The following ABHD15 variants were observed in gnomAD, a reference collection of about 807,000 sequenced individuals.
ABHD15 encodes abhydrolase domain containing 15, also known as protein ABHD15.
ABHD15 carries 34 observed loss-of-function variants against 34.4 expected under a neutral mutation model. The ratio of observed to expected loss-of-function variants is 0.99; its 90% CI spans 0.75 to 1.32. The LOEUF is 1.32. Among genes scored for constraint, ABHD15 ranks in the 40% most tolerant of loss-of-function variants. The pLI, the probability that ABHD15 is intolerant of heterozygous loss-of-function variation, is 0.00. For synonymous variants in ABHD15, 314 were observed against 299.2 expected, an observed-to-expected ratio of 1.05 and a Z score of -0.51; for missense variants, 644 against 650.4, an observed-to-expected ratio of 0.99 and a Z score of 0.11.
At position 29,562,730 on chromosome 17, in the gene ABHD15, C is replaced by T. The variant is rs150816352; in HGVS notation, c.1238G>A (p.Arg413Gln). The change falls in exon 2 of 2, where the codon CGG becomes CAG. Residue 413 changes from arginine (R) to glutamine (Q), a missense_variant. Coordinates refer to ENST00000307201, the MANE Select transcript of ABHD15 (RefSeq NM_198147.3). ...WSHEVILESFRALTEFFRTEE... is the reference protein window; with the variant it reads ...WSHEVILESFQALTEFFRTEE... ...CGTTCGGAAGAACTCAGTCAAGGCCCGGAAGGACTCCAAGATGACCTCATG... is the reference window on the plus strand; with the variant it reads ...CGTTCGGAAGAACTCAGTCAAGGCCTGGAAGGACTCCAAGATGACCTCATG... 289 of 1,614,030 alleles carry T rather than the reference C, an allele frequency of 1.8e-4. No homozygotes were observed. The highest frequency in any genetic ancestry group is 4.2e-4 in the Admixed American group (25 of 60,002).
Position 29,561,085 on chromosome 17 carries a change from C to T in ABHD15, c.*1476G>A, listed in dbSNP as rs1015050296. ...GATCTAGAAGAACAAGATCTAGAAT[C>T]TGGGGCAAGATTATCCAAACCTGAA... On this transcript the variant is annotated 3_prime_UTR_variant, in exon 2 of 2. Transcript: ENST00000307201. 1 of 152,150 alleles carries T rather than the reference C, an allele frequency of 6.6e-6. No individual in the cohort carries two copies. Among genetic ancestry groups the T allele is most frequent in the African/African-American group, 2.4e-5 (1 of 41,424 alleles). 9.4% of individuals were successfully genotyped at this position (152,150 alleles called of 1,614,324 possible).
At position 29,566,162 on chromosome 17, in the gene ABHD15, G is replaced by C. The variant is rs1258580576; in HGVS notation, c.805C>G (p.Arg269Gly). 1 of 1,603,980 alleles carries C rather than the reference G, an allele frequency of 6.2e-7. No individual in the cohort carries two copies. Among genetic ancestry groups the C allele is most frequent in the African/African-American group, 1.3e-5 (1 of 74,688 alleles). ...GGCAGGCCGGCCTCGAACCACTCTC[G>C]GCAGCGCAGCACGGGCGAGATGCAG... is the stretch of plus-strand genomic sequence containing the variant. Reference protein sequence around the residue: ...AACISPVLRCREWFEAGLPWP... With the variant: ...AACISPVLRCGEWFEAGLPWP... Residue 269 changes from arginine (R) to glycine (G), a missense_variant, in exon 1 of 2, where the codon CGA becomes GGA. By Grantham distance (125) the Arg-to-Gly change is moderately radical. Transcript: ENST00000307201.
chr17:29,563,721 G>A (rs924957798), intron 1 of ABHD15, among the ~76,000 whole-genome samples: 14 of 151,948 alleles, frequency 9.2e-5, no homozygotes, highest in South Asian at 2.1e-4. Flanking sequence ...TAAGCTGGGC[G>A]TGGTGGCGGA....
chr17:29,565,015 A>ATCCT (rs1383126576), intron 1 of ABHD15, among the ~76,000 whole-genome samples: 1 of 152,150 alleles, frequency 6.6e-6, no homozygotes, highest in Non-Finnish European at 1.5e-5. Context: ...AGCACTTTGA[A>ATCCT]AGCTGGGGCA....
chr17:29,563,104 A>C lies in ABHD15; in HGVS notation c.882-18T>G. Reference sequence around the variant, plus strand: ...TGGCATACCTGGCAGCGAGGTGTTTAGTGGGGAAGGTGGGAAAGAGAGGGA... The same window carrying C: ...TGGCATACCTGGCAGCGAGGTGTTTCGTGGGGAAGGTGGGAAAGAGAGGGA... On this transcript the variant is annotated intron_variant, in intron 1 of 1. Transcript: ENST00000307201. 1 of 1,588,338 alleles carries C rather than the reference A, an allele frequency of 6.3e-7. No homozygotes were observed. Among genetic ancestry groups the C allele is most frequent in the Non-Finnish European group, 8.5e-7 (1 of 1,171,850 alleles).
Position 29,562,946 on chromosome 17 carries a change from G to C in ABHD15, c.1022C>G (p.Pro341Arg). The C allele has an allele frequency of 6.2e-7, 1 of 1,614,092 alleles. No homozygotes were observed. Among genetic ancestry groups the C allele is most frequent in the Non-Finnish European group, 8.5e-7 (1 of 1,180,028 alleles). ...GGCTGCCTCATCGACATCCCGGAGC[G>C]GGTCGTTGCGGTCCCAGTAGGTATC... ...SWDTYWDRND[P>R]LRDVDEAAVP... Residue 341 changes from proline (P) to arginine (R), a missense_variant, in exon 2 of 2, where the codon CCG (proline) becomes CGG (arginine). Coordinates refer to ENST00000307201, the MANE Select transcript of ABHD15 (RefSeq NM_198147.3).
Position 29,566,500 on chromosome 17 carries a change from A to G in ABHD15, c.467T>C (p.Leu156Pro). 6.2e-7 allele frequency: 1 copy of G among 1,611,632 alleles called. No homozygotes were observed. Reference protein sequence around the residue: ...RGRRITSAGGLPAVLLVIPNA... With the variant: ...RGRRITSAGGPPAVLLVIPNA... ...GGGGATCACCAGAAGCACCGCAGGA[A>G]GGCCCCCGGCGCTGGTGATCCGGCG... Residue 156 changes from leucine (L) to proline (P), a missense_variant, in exon 1 of 2, where the codon CTT becomes CCT. Physicochemically the swap from Leu to Pro is moderately conservative, Grantham distance 98 (BLOSUM62 -3). Transcript: ENST00000307201.
Position 29,566,853 on chromosome 17 carries a change from C to T in ABHD15, c.114G>A (p.Leu38=). 2.0e-6 allele frequency: 3 copies of T among 1,512,072 alleles called. No homozygotes were observed. The highest frequency in any genetic ancestry group is 2.6e-6 in the Non-Finnish European group (3 of 1,138,418). The allele number at this position is 1,512,072 out of a possible 1,614,324, so 93.7% of individuals were successfully genotyped here. Residue 38 remains leucine, a synonymous_variant, in exon 1 of 2, where the codon CTG becomes CTA. Coordinates refer to ENST00000307201, the MANE Select transcript of ABHD15 (RefSeq NM_198147.3). ...CGTCGTCTCGGTCTTGGGCCCCCGG[C>T]AGGGTCCTCTCTCCGACGGCGCGCC... ...PWGRAVGERT[L]PGAQDRDDGE...
At position 29,563,052 on chromosome 17, in the gene ABHD15, T is replaced by C. The variant is rs752294131; in HGVS notation, c.916A>G (p.Ser306Gly). 1.2e-4 allele frequency: 190 copies of C among 1,609,588 alleles called. 1 individual carries two copies. In the East Asian group the frequency reaches 4.2e-3, roughly 36 times the overall value. ...ATALEDTVDT[S>G]RLFRSRSLRE... ...AGGGAACGGCTCCTGAACAGTCTGC[T>C]GGTGTCCACAGTGTCCTCCAGGGCT... Residue 306 changes from serine to glycine, a missense_variant, in exon 2 of 2, where the codon AGC (serine) becomes GGC (glycine). Ser to Gly is a moderately conservative substitution (Grantham distance 56). Transcript: ENST00000307201.
chr17:29,566,139 C>A lies in ABHD15; in HGVS notation c.828G>T (p.Leu276=), dbSNP rs1445332361. 1.3e-6 allele frequency: 2 copies of A among 1,587,440 alleles called. No individual in the cohort carries two copies. Among genetic ancestry groups the A allele is most frequent in the South Asian group, 1.1e-5 (1 of 88,898 alleles). The change falls in exon 1 of 2, where the codon CTG becomes CTT. Residue 276 remains leucine, a synonymous_variant. Transcript: ENST00000307201. ...LRCREWFEAG[L]PWPYERGFLL... ...GAAAGCCCCGCTCGTAGGGCCAGGG[C>A]AGGCCGGCCTCGAACCACTCTCGGC... is the stretch of plus-strand genomic sequence containing the variant.
At chr17:29,566,057 C>T in intron 1 of ABHD15, 29 bp downstream of exon 1, 1 of 1,510,074 alleles carries the variant, frequency 6.6e-7, no homozygotes, top group Non-Finnish European at 8.8e-7. Context: ...CTATTCTTTC[C>T]ATGCTGGTCT....
In ABHD15 at chr17:29,566,145, G is replaced by T; in HGVS notation, c.822C>A (p.Ala274=). 6.3e-7 allele frequency: 1 copy of T among 1,591,434 alleles called. No individual in the cohort carries two copies. The highest frequency in any genetic ancestry group is 8.6e-7 in the Non-Finnish European group (1 of 1,165,776). Residue 274 remains alanine (A), a synonymous_variant, in exon 1 of 2, where the codon GCC becomes GCA. Transcript: ENST00000307201. ...PVLRCREWFE[A]GLPWPYERGF... ...CCCGCTCGTAGGGCCAGGGCAGGCCGGCCTCGAACCACTCTCGGCAGCGCA... is the reference window on the plus strand; with the variant it reads ...CCCGCTCGTAGGGCCAGGGCAGGCCTGCCTCGAACCACTCTCGGCAGCGCA...
At position 29,566,256 on chromosome 17, in the gene ABHD15, G is replaced by A. The variant is rs773230637; in HGVS notation, c.711C>T (p.Gly237=). The A allele has an allele frequency of 9.9e-6, 16 of 1,610,644 alleles. No homozygotes were observed. In the African/African-American group the frequency reaches 1.6e-4, roughly 16 times the overall value. The change falls in exon 1 of 2, where the codon GGC becomes GGT. Residue 237 remains glycine, a synonymous_variant. Transcript: ENST00000307201. The part of the protein sequence containing the change: ...PAAPLFAVSE[G]SGSALLLSYL... ...AGGACAGGAGCAGCGCCGAGCCCGA[G>A]CCTTCGCTCACCGCGAACAGCGGCG...
chr17:29,564,624 C>A (rs932785943), intron 1 of ABHD15, among the ~76,000 whole-genome samples: 1 of 152,104 alleles, frequency 6.6e-6, no homozygotes, highest in Non-Finnish European at 1.5e-5. Flanking sequence ...GAGGCCAAGG[C>A]GGGTGGATTC....
intron 1 of ABHD15, among the ~76,000 whole-genome samples, chr17:29,563,380 T>C (rs546568014): frequency 2.3e-5 from 3 of 130,072 alleles, no homozygotes; most frequent in Non-Finnish European, 4.7e-5. Context: ...CGAAAACCCA[T>C]CTCTAAAAAA....
rs748735111 is a variant in ABHD15, at chr17:29,566,709, G to C, written c.258C>G (p.Ala86=). ...PSALAQCLLR[A]LRRSEALEAG... ...CCTCCAGCGCCTCTGAGCGCCGCAGGGCGCGCAGCAGGCACTGGGCCAGGG... is the reference window on the plus strand; with the variant it reads ...CCTCCAGCGCCTCTGAGCGCCGCAGCGCGCGCAGCAGGCACTGGGCCAGGG... Residue 86 remains alanine (A), a synonymous_variant, in exon 1 of 2, where the codon GCC becomes GCG. Transcript: ENST00000307201. The C allele has an allele frequency of 6.3e-7, 1 of 1,582,166 alleles. No individual in the cohort carries two copies. Among genetic ancestry groups the C allele is most frequent in the Admixed American group, 1.8e-5 (1 of 56,814 alleles).
rs1035497299 is a variant in ABHD15 at position 29,560,666 on chromosome 17, T to C, written c.*1895A>G. 2.0e-5 allele frequency: 3 copies of C among 152,230 alleles called. No homozygotes were observed. Among genetic ancestry groups the C allele is most frequent in the South Asian group, 4.2e-4 (2 of 4,808 alleles). The allele number at this position is 152,230 out of a possible 1,614,324, so 9.4% of individuals were successfully genotyped here. On this transcript the variant is annotated 3_prime_UTR_variant, in exon 2 of 2. Transcript: ENST00000307201. Reference sequence around the variant, plus strand: ...GGGAGATAATTTTTCTTTTCTTTTTTTTTTTTGAAACACAGTCTTACTCTG... The same window carrying C: ...GGGAGATAATTTTTCTTTTCTTTTTCTTTTTTGAAACACAGTCTTACTCTG...
chr17:29,566,942 C>T lies in ABHD15; in HGVS notation c.25G>A (p.Ala9Thr). 1 of 1,422,608 alleles carries T rather than the reference C, an allele frequency of 7.0e-7. No individual in the cohort carries two copies. Among genetic ancestry groups the T allele is most frequent in the Non-Finnish European group, 9.1e-7 (1 of 1,096,302 alleles). The allele number at this position is 1,422,608 out of a possible 1,614,324, so 88.1% of individuals were successfully genotyped here. A position where few individuals can be genotyped will look rare whatever the true frequency, so the allele number is the denominator to read the frequency against. The change falls in exon 1 of 2, where the codon GCG becomes ACG. Residue 9 changes from alanine (A) to threonine (T), a missense_variant. Ala to Thr is a moderately conservative substitution (Grantham distance 58). Transcript: ENST00000307201. The stretch of plus-strand genomic sequence containing the variant: ...AGGGCGAGCACGGCCAAGATGAGCG[C>T]GAGGGCGGCGCCCCACGGCGGCATG... Reference protein sequence around the residue: MPPWGAALALILAVLALLG... With the variant: MPPWGAALTLILAVLALLG...
In ABHD15 at chr17:29,566,082, C is replaced by A. The variant is rs2032702892; in HGVS notation, c.881+4G>T. 3 of 1,525,560 alleles carry A rather than the reference C, an allele frequency of 2.0e-6. No individual in the cohort carries two copies. The highest frequency in any genetic ancestry group is 2.6e-6 in the Non-Finnish European group (3 of 1,137,488). 94.5% of individuals were successfully genotyped at this position (1,525,560 alleles called of 1,614,324 possible). Reference sequence around the variant, plus strand: ...CATGCTGGTCTGCGGCCTCCGTTACCCACCTGCTGAGGGCGATCTTCTGGT... The same window carrying A: ...CATGCTGGTCTGCGGCCTCCGTTACACACCTGCTGAGGGCGATCTTCTGGT... On this transcript the variant is annotated splice_donor_region_variant and intron_variant, in intron 1 of 1. Transcript: ENST00000307201.
Sources: gnomAD v4.1 joint callset for allele counts (sites outside exome capture counted in the v4.1 genomes callset) on GRCh38, gnomAD v4.1.1 for gene constraint, MANE v1.5 for transcripts, NCBI Gene and HGNC (gene_info 2026-07-23, HGNC 2026-07-21) for gene names.